Variants in RAB11FIP1 observed in about 807,000 individuals in gnomAD.
RAB11FIP1 encodes RAB11 family interacting protein 1, also known as rab11 family-interacting protein 1.
Under a neutral mutation model 83.1 loss-of-function variants are expected in RAB11FIP1, and 49 were observed. The observed-to-expected ratio is 0.59, with a 90% CI of 0.47 to 0.75. The LOEUF is 0.75. Ranked by LOEUF, RAB11FIP1 falls within the 30% of genes least tolerant of loss-of-function variation. RAB11FIP1 has a pLI of 0.00. For synonymous variants in RAB11FIP1, 670 were observed against 656.0 expected, an observed-to-expected ratio of 1.02 and a Z score of -0.33; for missense variants, 1,536 against 1,598.7, an observed-to-expected ratio of 0.96 and a Z score of 0.67.
rs778640985 is a variant in RAB11FIP1 at position 37,872,049 on chromosome 8, G to C, written c.2753C>G (p.Ala918Gly). Reference sequence around the variant, plus strand: ...TTTGCTCTGATACTGAGTCACAAGGGCATCCTCTCCCTCCATCCTAAAGAG... The same window carrying C: ...TTTGCTCTGATACTGAGTCACAAGGCCATCCTCTCCCTCCATCCTAAAGAG... ...TPLFRMEGED[A>G]LVTQYQSKAS... Residue 918 changes from alanine (A) to glycine (G), a missense_variant, in exon 4 of 6, where the codon GCC becomes GGC. Coordinates refer to ENST00000330843, the MANE Select transcript of RAB11FIP1 (RefSeq NM_001002814.3). 3 of 1,613,946 alleles carry C rather than the reference G, an allele frequency of 1.9e-6. No homozygotes were observed. Among genetic ancestry groups the C allele is most frequent in the Non-Finnish European group, 2.5e-6 (3 of 1,180,004 alleles).
chr8:37,878,406 C>T (rs547463438), intron 1 of RAB11FIP1, among the ~76,000 whole-genome samples: 59 of 151,160 alleles, frequency 3.9e-4, no homozygotes, highest in Non-Finnish European at 6.8e-4. Context: ...TGGTGGCAGG[C>T]GCCTGTGGTC....
Position 37,871,735 on chromosome 8 carries a change from G to A in RAB11FIP1, c.3067C>T (p.Leu1023=), listed in dbSNP as rs1475592473. The A allele has an allele frequency of 6.8e-6, 11 of 1,613,604 alleles. No homozygotes were observed. The highest frequency in any genetic ancestry group is 2.2e-5 in the East Asian group (1 of 44,882). The change falls in exon 4 of 6, where the codon CTG becomes TTG. Residue 1023 remains leucine, a synonymous_variant. Coordinates refer to ENST00000330843, the MANE Select transcript of RAB11FIP1 (RefSeq NM_001002814.3). The part of the protein sequence containing the change: ...GPSGEADRLV[L]GEGLCDFRLQ... ...CTGAAATCACACAGGCCCTCCCCCA[G>A]TACCAACCTATCTGCCTCGCCACTG...
At chr8:37,884,889 C>T (rs1563373144) in intron 1 of RAB11FIP1, among the ~76,000 whole-genome samples, 1 of 151,962 alleles carries the variant, frequency 6.6e-6, no homozygotes, top group Non-Finnish European at 1.5e-5. Context: ...TGCTATGCTG[C>T]CCAGGCTGGT....
At position 37,871,819 on chromosome 8, in the gene RAB11FIP1, C is replaced by T. The variant is rs1806469599; in HGVS notation, c.2983G>A (p.Asp995Asn). The T allele has an allele frequency of 6.2e-7, 1 of 1,614,044 alleles. No homozygotes were observed. The highest frequency in any genetic ancestry group is 1.3e-5 in the African/African-American group (1 of 74,918). The change falls in exon 4 of 6, where the codon GAC (aspartate) becomes AAC (asparagine). Residue 995 changes from aspartate (D) to asparagine (N), a missense_variant. Asp to Asn is a conservative substitution (Grantham distance 23). Transcript: ENST00000330843. ...DGETAKSSTL[D>N]IGALSLGLVV... ...AAGCCCAAGGACAAAGCTCCTATGTCCAGAGTTGACGACTTTGCTGTCTCT... is the reference window on the plus strand; with the variant it reads ...AAGCCCAAGGACAAAGCTCCTATGTTCAGAGTTGACGACTTTGCTGTCTCT...
Position 37,893,302 on chromosome 8 carries a change from T to G in RAB11FIP1, c.371+5769A>C, listed in dbSNP as rs7820797. Among the ~76,000 whole-genome samples, 34 of 152,254 alleles carry G rather than the reference T, an allele frequency of 2.2e-4. 1 individual carries two copies. The highest frequency in any genetic ancestry group is 7.9e-4 in the African/African-American group (33 of 41,556). ...GTTGGCCAGGCTGGTCTCGAACTCCTGACCTTAGGTGATCCCCCTGCCTCG... is the reference window on the plus strand; with the variant it reads ...GTTGGCCAGGCTGGTCTCGAACTCCGGACCTTAGGTGATCCCCCTGCCTCG... On this transcript the variant is annotated intron_variant, in intron 1 of 5. Transcript: ENST00000330843.
In RAB11FIP1 at chr8:37,899,381, G is replaced by T; in HGVS notation, c.61C>A (p.Gln21Lys). 5 of 1,603,216 alleles carry T rather than the reference G, an allele frequency of 3.1e-6. No individual in the cohort carries two copies. The highest frequency in any genetic ancestry group is 4.3e-6 in the Non-Finnish European group (5 of 1,175,898). Residue 21 changes from glutamine (Q) to lysine (K), a missense_variant, in exon 1 of 6, where the codon CAG becomes AAG. Transcript: ENST00000330843. This position sits in a 1 kb window ranked among gnomAD's most constrained non-coding sequence, Gnocchi z 4.5. The part of the protein sequence containing the change: ...LGAVWSPTHV[Q>K]VTVLQARGLR... ...CCCCGCGCCTGCAGCACCGTCACCT[G>T]CACGTGGGTTGGGGACCACACGGCC...
At chr8:37,884,776 T>C (rs191615512) in intron 1 of RAB11FIP1, among the ~76,000 whole-genome samples, 74 of 152,246 alleles carry the variant, frequency 4.9e-4, no homozygotes, top group Non-Finnish European at 8.5e-4. Flanking sequence ...CTCGAACTCC[T>C]GACCTCAAGT....
chr8:37,871,599 C>A lies in RAB11FIP1; in HGVS notation c.3203G>T (p.Gly1068Val), dbSNP rs1356149132. ...KSSSLDKQLP[G>V]PSGGEEEKPM... Reference sequence around the variant, plus strand: ...TTTTTCTTCCTCACCACCACTGGGGCCTGGCAGCTGTTTATCCAAGCTTGA... The same window carrying A: ...TTTTTCTTCCTCACCACCACTGGGGACTGGCAGCTGTTTATCCAAGCTTGA... The change falls in exon 4 of 6, where the codon GGC becomes GTC. Residue 1068 changes from glycine (G) to valine (V), a missense_variant. Transcript: ENST00000330843. 6 of 1,602,430 alleles carry A rather than the reference C, an allele frequency of 3.7e-6. No individual in the cohort carries two copies. Among genetic ancestry groups the A allele is most frequent in the Non-Finnish European group, 5.1e-6 (6 of 1,172,526 alleles).
intron 5 of RAB11FIP1, among the ~76,000 whole-genome samples, chr8:37,864,501 C>A (rs998928057): frequency 6.6e-6 from 1 of 152,182 alleles, no homozygotes; most frequent in African/African-American, 2.4e-5. Context: ...AAGAGACTAC[C>A]TTCTCCAAGA....
chr8:37,889,087 G>A (rs1285214612), intron 1 of RAB11FIP1, among the ~76,000 whole-genome samples: 1 of 152,058 alleles, frequency 6.6e-6, no homozygotes, highest in African/African-American at 2.4e-5. Context: ...ATGAGCCACC[G>A]CGCCCGGCTT....
At chr8:37,877,681 C>T in intron 1 of RAB11FIP1, 130 bp from the exon 2 acceptor site, 4 of 534,398 alleles carry the variant, frequency 7.5e-6, no homozygotes, top group Non-Finnish European at 1.3e-5. Flanking sequence ...CATGCTTTCT[C>T]TTCGGGAAGT....
chr8:37,863,157 T>G, intron 5 of RAB11FIP1, 44 bp from the exon 6 acceptor site: 1 of 1,511,436 alleles, frequency 6.6e-7, no homozygotes, highest in Non-Finnish European at 9.2e-7. Flanking sequence ...GTTATAAAAT[T>G]AGCACAGAAA....
intron 1 of RAB11FIP1, among the ~76,000 whole-genome samples, chr8:37,893,076 CTTTTTTTTTT>C (rs1167070715): frequency 7.2e-6 from 1 of 138,126 alleles, no homozygotes; most frequent in African/African-American, 2.7e-5. Flanking sequence ...GTTCTTTTTT[CTTTTTTTTTT>C]TTTTTTGAGA....
intron 3 of RAB11FIP1, 135 bp downstream of exon 3, chr8:37,874,379 AT>A: frequency 1.4e-6 from 1 of 722,188 alleles, no homozygotes; most frequent in East Asian, 2.6e-5. Context: ...GGTTAAAAAA[AT>A]AATTTAGACC....
At chr8:37,882,145 G>A (rs1343907483) in intron 1 of RAB11FIP1, among the ~76,000 whole-genome samples, 1 of 152,110 alleles carries the variant, frequency 6.6e-6, no homozygotes, top group Non-Finnish European at 1.5e-5. Context: ...TCTTCCACAC[G>A]GGCCCTTCTA....
intron 1 of RAB11FIP1, among the ~76,000 whole-genome samples, chr8:37,879,126 G>A (rs1806684138): frequency 6.6e-6 from 1 of 152,054 alleles, no homozygotes; most frequent in South Asian, 2.1e-4. Context: ...TGGCCAACAT[G>A]GCGAAACCCC....
At chr8:37,897,083 T>C (rs2130205620) in intron 1 of RAB11FIP1, among the ~76,000 whole-genome samples, 1 of 152,284 alleles carries the variant, frequency 6.6e-6, no homozygotes, top group South Asian at 2.1e-4. Context: ...TCAGCATTGC[T>C]GCAGCCCCTC....
chr8:37,896,021 C>T (rs1807081515), intron 1 of RAB11FIP1, among the ~76,000 whole-genome samples: 1 of 152,092 alleles, frequency 6.6e-6, no homozygotes, highest in Non-Finnish European at 1.5e-5. Flanking sequence ...GTTAAAATTT[C>T]ACCTTTCGCC....
chr8:37,871,205 C>T lies in RAB11FIP1; in HGVS notation c.3524+73G>A, dbSNP rs562154576. 1.2e-5 allele frequency: 18 copies of T among 1,521,028 alleles called. 1 individual carries two copies. In the South Asian group the frequency reaches 1.6e-4, roughly 14 times the overall value. 94.2% of individuals were successfully genotyped at this position (1,521,028 alleles called of 1,614,324 possible). A position where few individuals can be genotyped will look rare whatever the true frequency, so the allele number is the denominator to read the frequency against. The stretch of plus-strand genomic sequence containing the variant: ...TCAGACGTCTGTGTGGTTAGAAAGC[C>T]GTAACCTCTGCAGGTAGGAAGCAAA... On this transcript the variant is annotated intron_variant, in intron 4 of 5. Transcript: ENST00000330843.
Sources: gnomAD v4.1 joint callset for allele counts (sites outside exome capture counted in the v4.1 genomes callset) on GRCh38, gnomAD v4.1.1 for gene constraint, Gnocchi (gnomAD v3.1) non-coding constraint, MANE v1.5 for transcripts, NCBI Gene and HGNC (gene_info 2026-07-23, HGNC 2026-07-21) for gene names.